The following MPP7 variants were observed in gnomAD, a reference collection of about 807,000 sequenced individuals.
The protein encoded by MPP7 is MAGUK p55 scaffold protein 7, also known as MAGUK p55 subfamily member 7.
Under a neutral mutation model 76.5 loss-of-function variants are expected in MPP7, and 60 were observed. The observed-to-expected ratio is 0.78, with a 90% CI of 0.64 to 0.97. The LOEUF (loss-of-function observed/expected upper bound fraction) is 0.97. MPP7 is among the 50% of genes least tolerant of loss of function. The pLI is 0.00. For missense variants in MPP7, 641 were observed against 694.0 expected (o/e 0.92, Z 0.86); for synonymous variants, 237 against 244.5 (o/e 0.97, Z 0.29).
intron 2 of MPP7, among the ~76,000 whole-genome samples, chr10:28,319,210 A>G (rs1184179961): frequency 6.6e-6 from 1 of 152,160 alleles, no homozygotes; most frequent in African/African-American, 2.4e-5. Flanking sequence ...ACACTTTTAA[A>G]CAATCAGCTC....
At chr10:28,214,611 A>G (rs1343005245) in intron 2 of MPP7, among the ~76,000 whole-genome samples, 1 of 152,194 alleles carries the variant, frequency 6.6e-6, no homozygotes, top group Admixed American at 6.5e-5. Flanking sequence ...CGCCTTTGCA[A>G]AAGTATAACT....
At chr10:28,283,801 C>T (rs1031718318) in intron 1 of MPP7, among the ~76,000 whole-genome samples, 4 of 152,290 alleles carry the variant, frequency 2.6e-5, no homozygotes, top group East Asian at 1.9e-4. Flanking sequence ...AGGGGTGAGC[C>T]GTCACGCCCA....
chr10:28,321,948 CGTGTGTGTGTGTGTGTGT>C (rs3064171), intron 2 of MPP7, among the ~76,000 whole-genome samples: 3 of 143,460 alleles, frequency 2.1e-5, no homozygotes, highest in Non-Finnish European at 4.6e-5. Context: ...TTTTTGTAGA[CGTGTGTGTGTGTGTGTGT>C]GTGTGTGTGT....
chr10:28,232,874 A>C (rs1480538855), intron 2 of MPP7, among the ~76,000 whole-genome samples: 1 of 152,200 alleles, frequency 6.6e-6, no homozygotes, highest in Non-Finnish European at 1.5e-5. Flanking sequence ...GGTCACATGG[A>C]TGCTGGCTTA....
At chr10:28,169,089 C>G (rs138778302) in intron 3 of MPP7, among the ~76,000 whole-genome samples, 1 of 152,280 alleles carries the variant, frequency 6.6e-6, no homozygotes, top group East Asian at 1.9e-4. Flanking sequence ...TATTGAGACT[C>G]TATGATAAAA....
At chr10:28,298,840 T>A (rs902888406) in intron 1 of MPP7, among the ~76,000 whole-genome samples, 2 of 152,256 alleles carry the variant, frequency 1.3e-5, no homozygotes, top group African/African-American at 4.8e-5. Context: ...AGCTTCTATA[T>A]CAGCATTTGC....
intron 3 of MPP7, among the ~76,000 whole-genome samples, chr10:28,174,713 A>T (rs1379998146): frequency 1.3e-5 from 2 of 152,184 alleles, no homozygotes; most frequent in Non-Finnish European, 2.9e-5. Flanking sequence ...CTATTTCCCA[A>T]CATTTCCATT....
chr10:28,318,400 T>C (rs1409118165), intron 2 of MPP7, among the ~76,000 whole-genome samples: 3 of 152,138 alleles, frequency 2.0e-5, no homozygotes, highest in Non-Finnish European at 2.9e-5. Context: ...TGAAAAGCAA[T>C]AGGGGTCAGG....
At chr10:28,144,658 C>A (rs1266900243) in intron 5 of MPP7, among the ~76,000 whole-genome samples, 1 of 152,158 alleles carries the variant, frequency 6.6e-6, no homozygotes, top group Non-Finnish European at 1.5e-5. Flanking sequence ...ACTCCTTTGT[C>A]CCCTTGCTGA....
chr10:28,143,902 T>TGTGTGTGTGA (rs1303829355), intron 5 of MPP7, among the ~76,000 whole-genome samples: 1 of 127,696 alleles, frequency 7.8e-6, no homozygotes, highest in African/African-American at 3.2e-5. Context: ...TGTGTGTGTG[T>TGTGTGTGTGA]GAGACTGAGT....
In MPP7 at chr10:28,244,232, C is replaced by T. The variant is rs528298759; in HGVS notation, c.-131-5497G>A. On this transcript the variant is annotated intron_variant, in intron 1 of 16. Transcript: ENST00000683449. ...GACTTAAGGATCTAGAAGTAGCATG[C>T]TTTCTAGTAACATTTTTACTGGTCA... Among the ~76,000 whole-genome samples the T allele has an allele frequency of 1.2e-4, 19 of 152,168 alleles. No individual in the cohort carries two copies. In the South Asian group the frequency reaches 3.3e-3, roughly 27 times the overall value.
At chr10:28,249,276 C>T (rs1839535626) in intron 1 of MPP7, among the ~76,000 whole-genome samples, 1 of 152,020 alleles carries the variant, frequency 6.6e-6, no homozygotes, top group Non-Finnish European at 1.5e-5. Context: ...GGAAAACTGT[C>T]AACAAATTAG....
chr10:28,329,693 A>C (rs1589050375), intron 2 of MPP7, among the ~76,000 whole-genome samples: 1 of 152,102 alleles, frequency 6.6e-6, no homozygotes, highest in Admixed American at 6.5e-5. Flanking sequence ...TTTTCAGCTG[A>C]GAAACTTTCC....
intron 12 of MPP7, among the ~76,000 whole-genome samples, chr10:28,084,841 T>C (rs1411700694): frequency 2.6e-5 from 4 of 152,052 alleles, no homozygotes; most frequent in Non-Finnish European, 5.9e-5. Context: ...GGCAGTGAAA[T>C]AGTAATGACA....
intron 2 of MPP7, among the ~76,000 whole-genome samples, chr10:28,231,011 A>G (rs909640489): frequency 9.8e-5 from 15 of 152,342 alleles, no homozygotes; most frequent in African/African-American, 3.1e-4. Flanking sequence ...ATAGAAAACT[A>G]CAGTCAATAA....
intron 1 of MPP7, among the ~76,000 whole-genome samples, chr10:28,273,040 C>T (rs1840377779): frequency 6.9e-6 from 1 of 145,476 alleles, no homozygotes; most frequent in African/African-American, 2.8e-5. Flanking sequence ...CCTCAGCCTC[C>T]CCAGTAGCTG....
rs74129019 is a variant in MPP7, at chr10:28,208,958, G to A, written c.38-6687C>T. On this transcript the variant is annotated intron_variant, in intron 2 of 16. Transcript: ENST00000683449. ...ATGGCTTGAAGCTGTCCTCAAGACAGTGAGTGAGTTGTAGTGAGACCTGTT... is the reference window on the plus strand; with the variant it reads ...ATGGCTTGAAGCTGTCCTCAAGACAATGAGTGAGTTGTAGTGAGACCTGTT... 6.0e-3 allele frequency among the ~76,000 whole-genome samples: 920 copies of A among 152,202 alleles called. 8 individuals carry two copies. Among genetic ancestry groups the A allele is most frequent in the African/African-American group, 0.021 (863 of 41,544 alleles).
At chr10:28,146,885 T>C (rs1426758318) in intron 5 of MPP7, among the ~76,000 whole-genome samples, 1 of 152,224 alleles carries the variant, frequency 6.6e-6, no homozygotes, top group Non-Finnish European at 1.5e-5. Flanking sequence ...AGGAAAATTC[T>C]GAAATGCCTG....
At chr10:28,224,857 T>C (rs1303953510) in intron 2 of MPP7, among the ~76,000 whole-genome samples, 1 of 152,008 alleles carries the variant, frequency 6.6e-6, no homozygotes, top group Non-Finnish European at 1.5e-5. Context: ...ATTTTGTTTA[T>C]CAAAAAAATA....
Sources: gnomAD v4.1 joint callset for allele counts (sites outside exome capture counted in the v4.1 genomes callset) on GRCh38, gnomAD v4.1.1 for gene constraint, MANE v1.5 for transcripts, NCBI Gene and HGNC (gene_info 2026-07-23, HGNC 2026-07-21) for gene names.